RHD: variants seen among roughly 807,000 people sequenced by gnomAD.
The protein encoded by RHD is blood group Rh(D) polypeptide.
In RHD, 16 loss-of-function variants were observed where a neutral mutation model predicts 45.5. That is an observed-to-expected ratio of 0.35 (90% CI 0.24 to 0.53). RHD has a LOEUF of 0.53. Among genes scored for constraint, RHD ranks in the 20% least tolerant of loss-of-function variants. The pLI is 0.92. For missense variants in RHD, 306 were observed against 532.0 expected (o/e 0.58, Z 4.18); for synonymous variants, 131 against 217.5 (o/e 0.60, Z 3.50).
At chr1:25,290,559 G>T in intron 2 of RHD, 82 bp from the exon 3 acceptor site, 1 of 1,060,446 alleles carries the variant, frequency 9.4e-7, no homozygotes, top group South Asian at 1.3e-5. Flanking sequence ...TTGAAAGAAT[G>T]AATGAATGAA....
At position 25,280,757 on chromosome 1, in the gene RHD, A is replaced by G. The variant is rs1292210763; in HGVS notation, c.149-3816A>G. ...CTCCTGAGTAGCTGGGACTACAGGC[A>G]CTCGCCACCACGCCCAAGTAATTTT... On this transcript the variant is annotated intron_variant, in intron 1 of 9. Transcript: ENST00000328664. Among the ~76,000 whole-genome samples, 2 of 129,946 alleles carry G rather than the reference A, an allele frequency of 1.5e-5. 1 individual carries two copies. The highest frequency in any genetic ancestry group is 3.6e-5 in the Non-Finnish European group (2 of 54,968). 85.2% of individuals were successfully genotyped at this position (129,946 alleles called of 152,430 possible). A position where few individuals can be genotyped will look rare whatever the true frequency, so the allele number is the denominator to read the frequency against.
rs747777875 is a variant in RHD, at chr1:25,305,487, C to CCCGGA, written c.940-1108_940-1107insCGGAC. On this transcript the variant is annotated intron_variant, in intron 6 of 9. Coordinates refer to ENST00000328664, the MANE Select transcript of RHD (RefSeq NM_016124.6). ...TCTCAGCTCACTGCAACCTCCACCT[C>CCCGGA]CTGGGTTCAAGTGATTCTCCTACCT... is the stretch of plus-strand genomic sequence containing the variant. Among the ~76,000 whole-genome samples, 12 of 13,254 alleles carry CCCGGA rather than the reference C, an allele frequency of 9.1e-4. 4 individuals are homozygous for CCCGGA. The Non-Finnish European group carries it at 0.034, about 37-fold the overall frequency. The allele number at this position is 13,254 out of a possible 152,430, so 8.7% of individuals were successfully genotyped here. A position where few individuals can be genotyped will look rare whatever the true frequency, so the allele number is the denominator to read the frequency against.
rs1643687475 is a variant in RHD at position 25,305,009 on chromosome 1, A to C, written c.939+1550A>C. ...CTTCATTCAACACATACGTTTTAAC[A>C]CTCATCTTGCTTTTCAAGCTATAGT... On this transcript the variant is annotated intron_variant, in intron 6 of 9. Transcript: ENST00000328664. Among the ~76,000 whole-genome samples, 4 of 132,492 alleles carry C rather than the reference A, an allele frequency of 3.0e-5. No homozygotes were observed. In the South Asian group the frequency reaches 9.2e-4, roughly 30 times the overall value. 86.9% of individuals were successfully genotyped at this position (132,492 alleles called of 152,430 possible). A position where few individuals can be genotyped will look rare whatever the true frequency, so the allele number is the denominator to read the frequency against.
chr1:25,293,584 C>T lies in RHD; in HGVS notation c.486+2793C>T, dbSNP rs1270862596. ...TTGCCCTTAAATGGAACTTCTGTAT[C>T]TTCAGAAGCACTCCAAGCGTTTCTT... On this transcript the variant is annotated intron_variant, in intron 3 of 9. Transcript: ENST00000328664. Among the ~76,000 whole-genome samples, 2 of 130,872 alleles carry T rather than the reference C, an allele frequency of 1.5e-5. 1 individual carries two copies. The highest frequency in any genetic ancestry group is 3.6e-5 in the Non-Finnish European group (2 of 55,544). The allele number at this position is 130,872 out of a possible 152,430, so 85.9% of individuals were successfully genotyped here. A position where few individuals can be genotyped will look rare whatever the true frequency, so the allele number is the denominator to read the frequency against.
Position 25,320,968 on chromosome 1 carries a change from C to T in RHD, c.1154-921C>T, listed in dbSNP as rs374703776. On this transcript the variant is annotated intron_variant, in intron 8 of 9. Coordinates refer to ENST00000328664, the MANE Select transcript of RHD (RefSeq NM_016124.6). ...CTGAGGTGGGAGGGTTGCTTGACCC[C>T]GGGAGTTTGAGGCTGCAATGAGCTG... Among the ~76,000 whole-genome samples, 10 of 131,104 alleles carry T rather than the reference C, an allele frequency of 7.6e-5. 2 individuals are homozygous for T. The highest frequency in any genetic ancestry group is 3.9e-4 in the East Asian group (2 of 5,076). 86.0% of individuals were successfully genotyped at this position (131,104 alleles called of 152,430 possible).
At chr1:25,273,299 C>T (rs1477871494) in intron 1 of RHD, among the ~76,000 whole-genome samples, 2 of 112,392 alleles carry the variant, frequency 1.8e-5, no homozygotes, top group Non-Finnish European at 3.9e-5. Context: ...CCATGCCTGG[C>T]TAATTTTTTT....
In RHD at chr1:25,277,967, C is replaced by T. The variant is rs547756673; in HGVS notation, c.148+5272C>T. 3.0e-5 allele frequency among the ~76,000 whole-genome samples: 4 copies of T among 133,056 alleles called. No individual in the cohort carries two copies. In the East Asian group the frequency reaches 7.8e-4, roughly 26 times the overall value. 87.3% of individuals were successfully genotyped at this position (133,056 alleles called of 152,430 possible). ...GGGATTACAGGCGTGAGCCACCGCG[C>T]CTGGCCCAAAAGCTTTAATTTCTTA... is the stretch of plus-strand genomic sequence containing the variant. On this transcript the variant is annotated intron_variant, in intron 1 of 9. Transcript: ENST00000328664.
At position 25,283,364 on chromosome 1, in the gene RHD, C is replaced by G. The variant is rs1227479314; in HGVS notation, c.149-1209C>G. On this transcript the variant is annotated intron_variant, in intron 1 of 9. Coordinates refer to ENST00000328664, the MANE Select transcript of RHD (RefSeq NM_016124.6). The stretch of plus-strand genomic sequence containing the variant: ...TGGCCAACATAGCGAAACCCCTTCT[C>G]TATTAAAAATACAAAAATTAGCCGG... Among the ~76,000 whole-genome samples, 4 of 131,242 alleles carry G rather than the reference C, an allele frequency of 3.0e-5. No homozygotes were observed. The East Asian group carries it at 5.9e-4, about 19-fold the overall frequency. 86.1% of individuals were successfully genotyped at this position (131,242 alleles called of 152,430 possible). A position where few individuals can be genotyped will look rare whatever the true frequency, so the allele number is the denominator to read the frequency against.
chr1:25,301,493 T>C, intron 4 of RHD, 27 bp from the exon 5 acceptor site: 2 of 1,375,786 alleles, frequency 1.5e-6, no homozygotes, highest in East Asian at 2.2e-5. Flanking sequence ...AGTGTGATTC[T>C]GGCCAACCAC....
intron 8 of RHD, among the ~76,000 whole-genome samples, chr1:25,321,349 CA>C (rs569995563): frequency 0.022 from 1,934 of 87,068 alleles, 164 homozygotes; most frequent in African/African-American, 0.055. Flanking sequence ...TTCTTTTTTT[CA>C]AAAAAAAAAA....
Position 25,287,401 on chromosome 1 carries a change from C to T in RHD, c.335+2642C>T, listed in dbSNP as rs1642121442. 3.7e-5 allele frequency among the ~76,000 whole-genome samples: 5 copies of T among 135,404 alleles called. 1 individual carries two copies. The highest frequency in any genetic ancestry group is 3.5e-4 in the Admixed American group (5 of 14,096). 88.8% of individuals were successfully genotyped at this position (135,404 alleles called of 152,430 possible). ...AAGTCACTCGCAGCCTGAGTGAACT[C>T]CCCTGCCCCACCCCTGACTGCTTGG... On this transcript the variant is annotated intron_variant, in intron 2 of 9. Coordinates refer to ENST00000328664, the MANE Select transcript of RHD (RefSeq NM_016124.6).
At chr1:25,309,201 AC>A (rs1644011004) in intron 7 of RHD, among the ~76,000 whole-genome samples, 1 of 131,948 alleles carries the variant, frequency 7.6e-6, no homozygotes. Flanking sequence ...TGTGATCAGA[AC>A]CAGGATGGAG....
rs1643019304 is a variant in RHD, at chr1:25,297,084, C to T, written c.487-3862C>T. ...GAAAAAAATATATATTTTTTGTGGT[C>T]GAGGATTACATCTTGCATTTAGTTC... On this transcript the variant is annotated intron_variant, in intron 3 of 9. Transcript: ENST00000328664. 1.6e-5 allele frequency among the ~76,000 whole-genome samples: 2 copies of T among 125,870 alleles called. 1 individual carries two copies. Among genetic ancestry groups the T allele is most frequent in the Non-Finnish European group, 3.7e-5 (2 of 53,942 alleles). The allele number at this position is 125,870 out of a possible 152,430, so 82.6% of individuals were successfully genotyped here. A position where few individuals can be genotyped will look rare whatever the true frequency, so the allele number is the denominator to read the frequency against.
rs1644721484 is a variant in RHD at position 25,321,748 on chromosome 1, C to A, written c.1154-141C>A. 2.7e-5 allele frequency: 11 copies of A among 414,914 alleles called. 2 individuals carry two copies. The highest frequency in any genetic ancestry group is 4.1e-5 in the Non-Finnish European group (8 of 195,552). The allele number at this position is 414,914 out of a possible 1,614,324, so 25.7% of individuals were successfully genotyped here. On this transcript the variant is annotated intron_variant, in intron 8 of 9. Coordinates refer to ENST00000328664, the MANE Select transcript of RHD (RefSeq NM_016124.6). ...AGCTGGTCCAGGAATGACAGGGCTT[C>A]CATTTATTTGTCTTTCAATTGTGGG...
chr1:25,274,040 C>G (rs1339319151), intron 1 of RHD, among the ~76,000 whole-genome samples: 1 of 132,648 alleles, frequency 7.5e-6, no homozygotes, highest in East Asian at 1.9e-4. Context: ...CAATACAATT[C>G]AATGCATTCC....
At chr1:25,292,224 T>C (rs1232202917) in intron 3 of RHD, among the ~76,000 whole-genome samples, 2 of 132,566 alleles carry the variant, frequency 1.5e-5, no homozygotes, top group Non-Finnish European at 3.6e-5. Context: ...CAAAGGACTT[T>C]GGATTTTACT....
At position 25,306,557 on chromosome 1, in the gene RHD, C is replaced by T. The variant is rs773816794; in HGVS notation, c.940-39C>T. The T allele has an allele frequency of 4.4e-6, 6 of 1,371,754 alleles. 2 individuals are homozygous for T. The South Asian group carries it at 7.1e-5, about 16-fold the overall frequency. 85.0% of individuals were successfully genotyped at this position (1,371,754 alleles called of 1,614,324 possible). A position where few individuals can be genotyped will look rare whatever the true frequency, so the allele number is the denominator to read the frequency against. ...AAAGGGGTGGGTAGGGAATATGGGT[C>T]TCACCTGCCAATCTGCTTATAATAA... On this transcript the variant is annotated intron_variant, in intron 6 of 9. Coordinates refer to ENST00000328664, the MANE Select transcript of RHD (RefSeq NM_016124.6).
Position 25,301,485 on chromosome 1 carries a change from T to C in RHD, c.635-35T>C, listed in dbSNP as rs772620987. 11 of 1,367,118 alleles carry C rather than the reference T, an allele frequency of 8.0e-6. 4 individuals are homozygous for C. The highest frequency in any genetic ancestry group is 1.1e-5 in the Non-Finnish European group (11 of 969,942). 84.7% of individuals were successfully genotyped at this position (1,367,118 alleles called of 1,614,324 possible). ...GAGGCTCAGACCTTTGGAGCAGGAG[T>C]GTGATTCTGGCCAACCACCCTCTCT... On this transcript the variant is annotated intron_variant, in intron 4 of 9. Coordinates refer to ENST00000328664, the MANE Select transcript of RHD (RefSeq NM_016124.6).
At position 25,276,924 on chromosome 1, in the gene RHD, G is replaced by A. The variant is rs577041175; in HGVS notation, c.148+4229G>A. Among the ~76,000 whole-genome samples the A allele has an allele frequency of 2.6e-4, 34 of 130,290 alleles. 6 individuals are homozygous for A. The highest frequency in any genetic ancestry group is 7.1e-4 in the African/African-American group (27 of 38,288). 85.5% of individuals were successfully genotyped at this position (130,290 alleles called of 152,430 possible). On this transcript the variant is annotated intron_variant, in intron 1 of 9. Coordinates refer to ENST00000328664, the MANE Select transcript of RHD (RefSeq NM_016124.6). ...TACCAAAAATACAAAAAAATTAGCC[G>A]GGTGTGGTGGCGGGTGCCTGTAGTC... is the stretch of plus-strand genomic sequence containing the variant.
Sources: allele counts gnomAD v4.1 joint callset (sites outside exome capture counted in the v4.1 genomes callset), GRCh38; gene constraint gnomAD v4.1.1; transcripts MANE v1.5; gene names NCBI Gene and HGNC (gene_info 2026-07-23, HGNC 2026-07-21).